The following WDR19 variants were observed in gnomAD, a reference collection of about 807,000 sequenced individuals.
WDR19 encodes the protein WD repeat domain 19.
Under a neutral mutation model 180.0 loss-of-function variants are expected in WDR19, and 121 were observed. The observed-to-expected ratio is 0.67, with a 90% confidence interval of 0.58 to 0.78. The LOEUF is 0.78. Ranked by LOEUF, WDR19 falls within the 30% of genes least tolerant of loss-of-function variation. WDR19 has a pLI of 0.00. For synonymous variants in WDR19, 497 were observed against 540.7 expected (o/e 0.92, Z 1.12); for missense variants, 1,450 against 1,640.7 (o/e 0.88, Z 2.01).
intron 4 of WDR19, among the ~76,000 whole-genome samples, chr4:39,190,350 CA>C (rs1379898447): frequency 6.6e-6 from 1 of 151,996 alleles, no homozygotes. Context: ...GGGCAGTTCC[CA>C]AATGGAAAAA....
intron 4 of WDR19, 136 bp from the exon 5 acceptor site, chr4:39,194,408 G>A (rs969786713): frequency 3.6e-6 from 2 of 549,220 alleles, no homozygotes; most frequent in Non-Finnish European, 6.4e-6. Flanking sequence ...TTTAGTCTTT[G>A]TCCTAAAGCA....
intron 14 of WDR19, among the ~76,000 whole-genome samples, chr4:39,221,203 A>G (rs1729671941): frequency 6.6e-6 from 1 of 152,142 alleles, no homozygotes; most frequent in Non-Finnish European, 1.5e-5. Flanking sequence ...AATTTGTATG[A>G]CACTAATAGT....
Position 39,215,936 on chromosome 4 carries a change from C to T in WDR19, c.1057C>T (p.Leu353Phe). ...TGTTTTCCTGACCAAGCTTCCCATA[C>T]TTGGGGATGCCTGCAGCACAAGGAT... ...LHVFLTKLPI[L>F]GDACSTRIAY... The change falls in exon 11 of 37, where the codon CTT (leucine) becomes TTT (phenylalanine). Residue 353 changes from leucine to phenylalanine, a missense_variant. Coordinates refer to ENST00000399820, the MANE Select transcript of WDR19 (RefSeq NM_025132.4). 1 of 1,613,722 alleles carries T rather than the reference C, an allele frequency of 6.2e-7. No homozygotes were observed. The highest frequency in any genetic ancestry group is 8.5e-7 in the Non-Finnish European group (1 of 1,179,762).
chr4:39,216,898 T>G (rs956824308), intron 12 of WDR19, among the ~76,000 whole-genome samples: 1 of 152,244 alleles, frequency 6.6e-6, no homozygotes, highest in African/African-American at 2.4e-5. Flanking sequence ...TATTTTCTAT[T>G]ACTTTGTTTC....
intron 20 of WDR19, among the ~76,000 whole-genome samples, chr4:39,236,594 C>T (rs1245024249): frequency 6.6e-6 from 1 of 152,140 alleles, no homozygotes; most frequent in East Asian, 1.9e-4. Flanking sequence ...CCACTTGCAC[C>T]TCACAAATAC....
At chr4:39,259,550 G>T (rs1734085519) in intron 28 of WDR19, among the ~76,000 whole-genome samples, 1 of 152,074 alleles carries the variant, frequency 6.6e-6, no homozygotes, top group Non-Finnish European at 1.5e-5. Flanking sequence ...TGTTTTCAAG[G>T]CTCTTCCATG....
chr4:39,216,911 G>T (rs1391584312), intron 12 of WDR19, among the ~76,000 whole-genome samples: 2 of 152,058 alleles, frequency 1.3e-5, no homozygotes, highest in African/African-American at 4.8e-5. Context: ...TTTGTTTCAG[G>T]TAAACCATAA....
At chr4:39,275,024 G>A (rs1446279341) in intron 33 of WDR19, 66 bp downstream of exon 33, 22 of 1,571,592 alleles carry the variant, frequency 1.4e-5, no homozygotes, top group African/African-American at 1.2e-4. Flanking sequence ...AAATGTAGCT[G>A]CCAGTGTGCA....
chr4:39,245,471 A>G lies in WDR19; in HGVS notation c.2729+19A>G. ...ATGGAAGGTTTGTACACTTTCTCAA[A>G]TTTATACCAATTTAAAGTAATGTAA... On this transcript the variant is annotated intron_variant, in intron 24 of 36. Coordinates refer to ENST00000399820, the MANE Select transcript of WDR19 (RefSeq NM_025132.4). 6.2e-7 allele frequency: 1 copy of G among 1,602,416 alleles called. No individual in the cohort carries two copies. The highest frequency in any genetic ancestry group is 8.5e-7 in the Non-Finnish European group (1 of 1,171,936).
At chr4:39,198,954 C>A (rs1245865328) in intron 5 of WDR19, among the ~76,000 whole-genome samples, 1 of 150,636 alleles carries the variant, frequency 6.6e-6, no homozygotes, top group South Asian at 2.1e-4. Flanking sequence ...GCCAAGATCA[C>A]GCCACTGTAC....
At chr4:39,192,520 A>T (rs1369640075) in intron 4 of WDR19, among the ~76,000 whole-genome samples, 1 of 152,142 alleles carries the variant, frequency 6.6e-6, no homozygotes, top group Non-Finnish European at 1.5e-5. Flanking sequence ...CCCAGGCTGG[A>T]GTGCAGTGGC....
intron 5 of WDR19, among the ~76,000 whole-genome samples, chr4:39,197,188 G>C (rs1298011617): frequency 6.6e-6 from 1 of 152,136 alleles, no homozygotes; most frequent in African/African-American, 2.4e-5. Flanking sequence ...CAGCATTTTG[G>C]AAGGCCGAGG....
chr4:39,243,849 G>A (rs1028621815), intron 21 of WDR19, among the ~76,000 whole-genome samples: 4 of 151,628 alleles, frequency 2.6e-5, no homozygotes, highest in Admixed American at 6.6e-5. Flanking sequence ...AATTACTAAC[G>A]AAATGAAGTT....
At chr4:39,228,735 T>C (rs1255511832) in intron 17 of WDR19, 45 bp downstream of exon 17, 1 of 1,488,020 alleles carries the variant, frequency 6.7e-7, no homozygotes, top group East Asian at 2.3e-5. Context: ...TTTGCTTTTG[T>C]GATTTTAAAG....
intron 28 of WDR19, 37 bp from the exon 29 acceptor site, chr4:39,266,026 T>A (rs768645492): frequency 6.5e-7 from 1 of 1,530,162 alleles, no homozygotes; most frequent in Non-Finnish European, 8.9e-7. Context: ...CGGTTTAAGA[T>A]GCTGAATTTG....
chr4:39,203,764 A>G, intron 7 of WDR19, 42 bp downstream of exon 7: 1 of 1,527,312 alleles, frequency 6.5e-7, no homozygotes, highest in South Asian at 1.2e-5. Flanking sequence ...CATTTGGGTA[A>G]TTTTGTGGAA....
intron 17 of WDR19, 98 bp from the exon 18 acceptor site, chr4:39,231,699 T>C (rs1018677308): frequency 5.4e-6 from 6 of 1,117,776 alleles, no homozygotes; most frequent in South Asian, 2.7e-5. Flanking sequence ...TTTTAGACAG[T>C]TTATCTGGGG....
chr4:39,262,574 C>G (rs532473704), intron 28 of WDR19, among the ~76,000 whole-genome samples: 1 of 152,068 alleles, frequency 6.6e-6, no homozygotes, highest in Non-Finnish European at 1.5e-5. Flanking sequence ...TAGTTCAGGG[C>G]TCCGCTTCCT....
rs1300934052 is a variant in WDR19, at chr4:39,214,641, G to A, written c.931G>A (p.Val311Ile). 8 of 1,586,116 alleles carry A rather than the reference G, an allele frequency of 5.0e-6. No individual in the cohort carries two copies. Among genetic ancestry groups the A allele is most frequent in the Non-Finnish European group, 6.9e-6 (8 of 1,163,354 alleles). Residue 311 changes from valine to isoleucine, a missense_variant, in exon 10 of 37, where the codon GTT (valine) becomes ATT (isoleucine). Physicochemically the swap from Val to Ile is conservative, Grantham distance 29. Coordinates refer to ENST00000399820, the MANE Select transcript of WDR19 (RefSeq NM_025132.4). ...CTTGGTTGACTTAAAAGACATGTAT[G>A]TTATACTCAACCTGGATGAGGAAAA... is the stretch of plus-strand genomic sequence containing the variant. The part of the protein sequence containing the change: ...QDLVDLKDMY[V>I]ILNLDEENKG...
Sources: allele counts gnomAD v4.1 joint callset (sites outside exome capture counted in the v4.1 genomes callset), GRCh38; gene constraint gnomAD v4.1.1; transcripts MANE v1.5; gene names NCBI Gene and HGNC (gene_info 2026-07-23, HGNC 2026-07-21).